ZFAND3: variants seen among roughly 807,000 people sequenced by gnomAD.
The protein encoded by ZFAND3 is AN1-type zinc finger protein 3.
ZFAND3 carries 10 observed loss-of-function variants against 29.6 expected under a neutral mutation model. The ratio of observed to expected loss-of-function variants is 0.34; its 90% CI spans 0.21 to 0.57. The LOEUF (loss-of-function observed/expected upper bound fraction) is 0.57. Among genes scored for constraint, ZFAND3 ranks in the 20% least tolerant of loss-of-function variants. The pLI, the probability that ZFAND3 is intolerant of heterozygous loss-of-function variation, is 0.86. For synonymous variants in ZFAND3, 128 were observed against 112.6 expected (o/e 1.14, Z -0.87); for missense variants, 230 against 304.5 (o/e 0.76, Z 1.82).
At chr6:38,144,002 G>A (rs766875978) in intron 5 of ZFAND3, among the ~76,000 whole-genome samples, 11 of 151,706 alleles carry the variant, frequency 7.3e-5, no homozygotes, top group Non-Finnish European at 1.0e-4. Flanking sequence ...TTGGGTCACC[G>A]GATGTGGTAT....
At chr6:37,914,907 G>C (rs1234011162) in intron 1 of ZFAND3, among the ~76,000 whole-genome samples, 3 of 152,006 alleles carry the variant, frequency 2.0e-5, no homozygotes, top group African/African-American at 7.3e-5. Flanking sequence ...AAGAGAATCA[G>C]TTGGTTCTTT....
At chr6:37,829,658 T>A (rs1433296370) in intron 1 of ZFAND3, among the ~76,000 whole-genome samples, 1 of 152,216 alleles carries the variant, frequency 6.6e-6, no homozygotes, top group Non-Finnish European at 1.5e-5. Flanking sequence ...GTTCATGTAG[T>A]CTCTGAGGCC....
At chr6:37,997,242 A>G (rs909104963) in intron 2 of ZFAND3, among the ~76,000 whole-genome samples, 5 of 152,232 alleles carry the variant, frequency 3.3e-5, no homozygotes, top group African/African-American at 1.2e-4. Flanking sequence ...TACAGGCAAT[A>G]TTAAATTAGA....
At chr6:38,105,083 C>T (rs1470702142) in intron 4 of ZFAND3, among the ~76,000 whole-genome samples, 1 of 152,152 alleles carries the variant, frequency 6.6e-6, no homozygotes, top group Non-Finnish European at 1.5e-5. Context: ...ACCTCATAGC[C>T]TTGTTGTAAC....
chr6:38,151,737 G>A (rs1766230927), intron 5 of ZFAND3, among the ~76,000 whole-genome samples: 3 of 152,100 alleles, frequency 2.0e-5, no homozygotes, highest in South Asian at 4.1e-4. Context: ...ACTCATTTTT[G>A]GGTTGTGGTT....
At chr6:37,824,313 G>C (rs1424916835) in intron 1 of ZFAND3, among the ~76,000 whole-genome samples, 1 of 152,162 alleles carries the variant, frequency 6.6e-6, no homozygotes, top group East Asian at 1.9e-4. Context: ...GATATAAGTG[G>C]TATTAGTTGA....
At chr6:38,072,235 A>G (rs1247141266) in intron 3 of ZFAND3, among the ~76,000 whole-genome samples, 1 of 152,118 alleles carries the variant, frequency 6.6e-6, no homozygotes, top group Admixed American at 6.6e-5. Context: ...GTTGGTATTT[A>G]TCACCTAAAT....
chr6:37,907,657 T>A (rs1765433518), intron 1 of ZFAND3, among the ~76,000 whole-genome samples: 1 of 135,940 alleles, frequency 7.4e-6, no homozygotes, highest in African/African-American at 2.5e-5. Context: ...CATTTCTAGT[T>A]TTTGACTATT....
At chr6:38,050,886 G>A (rs1764013603) in intron 2 of ZFAND3, among the ~76,000 whole-genome samples, 1 of 152,150 alleles carries the variant, frequency 6.6e-6, no homozygotes, top group Admixed American at 6.5e-5. Context: ...ACTCTAAGTT[G>A]AATTTACTGA....
chr6:38,051,525 A>G (rs969371564), intron 2 of ZFAND3, among the ~76,000 whole-genome samples: 3 of 152,192 alleles, frequency 2.0e-5, no homozygotes, highest in African/African-American at 7.2e-5. Context: ...ACTAAGGACT[A>G]ATGGCTTGAG....
chr6:37,915,454 T>C (rs1761229512), intron 1 of ZFAND3: 1 of 152,268 alleles, frequency 6.6e-6, no homozygotes, highest in South Asian at 2.1e-4. Flanking sequence ...TAATCATTTC[T>C]AGTTTTTGAT....
chr6:37,995,405 C>G (rs527574993), intron 2 of ZFAND3, among the ~76,000 whole-genome samples: 11 of 152,132 alleles, frequency 7.2e-5, no homozygotes, highest in Non-Finnish European at 1.5e-4. Flanking sequence ...AGCCCGGTCT[C>G]TTGGTTTCTT....
At chr6:37,958,734 G>GCC (rs560716487) in intron 2 of ZFAND3, among the ~76,000 whole-genome samples, 2 of 150,324 alleles carry the variant, frequency 1.3e-5, no homozygotes, top group Admixed American at 6.6e-5. Context: ...TTTCAGGACC[G>GCC]CCCCCCCCTT....
intron 2 of ZFAND3, among the ~76,000 whole-genome samples, chr6:37,966,813 C>T (rs1296036133): frequency 6.6e-6 from 1 of 152,024 alleles, no homozygotes; most frequent in Non-Finnish European, 1.5e-5. Flanking sequence ...AGCACACGTC[C>T]CCATAATGCC....
chr6:38,064,226 G>T (rs12196555), intron 3 of ZFAND3, among the ~76,000 whole-genome samples: 8 of 152,094 alleles, frequency 5.3e-5, no homozygotes, highest in Non-Finnish European at 1.0e-4. Context: ...GTGCATACCA[G>T]GATCGGGCCA....
intron 5 of ZFAND3, among the ~76,000 whole-genome samples, chr6:38,148,239 A>T (rs1766149846): frequency 6.6e-6 from 1 of 152,144 alleles, no homozygotes; most frequent in Admixed American, 6.5e-5. Flanking sequence ...GTAAGTTCTC[A>T]TTGGCTTTGT....
chr6:38,021,710 C>A (rs573605578), intron 2 of ZFAND3, among the ~76,000 whole-genome samples: 1 of 152,272 alleles, frequency 6.6e-6, no homozygotes, highest in East Asian at 1.9e-4. Flanking sequence ...CCATTGCATG[C>A]ATCATTGAAG....
intron 1 of ZFAND3, among the ~76,000 whole-genome samples, chr6:37,869,632 C>T (rs1185397341): frequency 6.6e-6 from 1 of 151,700 alleles, no homozygotes; most frequent in East Asian, 1.9e-4. Context: ...CCTCACACTC[C>T]TGAGTAGCTG....
intron 1 of ZFAND3, among the ~76,000 whole-genome samples, chr6:37,856,211 C>A (rs1486970391): frequency 6.6e-6 from 1 of 151,930 alleles, no homozygotes; most frequent in Non-Finnish European, 1.5e-5. Context: ...CCCGGCCGGT[C>A]TCAAACTCCT....
Sources: gnomAD v4.1 joint callset for allele counts (sites outside exome capture counted in the v4.1 genomes callset) on GRCh38, gnomAD v4.1.1 for gene constraint, MANE v1.5 for transcripts, NCBI Gene and HGNC (gene_info 2026-07-23, HGNC 2026-07-21) for gene names.